Variants in LRRC4B observed in about 807,000 individuals in gnomAD.
LRRC4B encodes the protein leucine rich repeat containing 4B.
In LRRC4B, 1 loss-of-function variant was observed where a neutral mutation model predicts 7.3. The observed-to-expected ratio is 0.14, with a 90% confidence interval of 0.05 to 0.65. The LOEUF (loss-of-function observed/expected upper bound fraction) is 0.65, where lower values mean the gene tolerates loss of function less well. Ranked by LOEUF, LRRC4B falls within the 30% of genes least tolerant of loss-of-function variation. The pLI is 0.84. For missense variants in LRRC4B, 730 were observed against 1,041.6 expected (o/e 0.70, Z 4.12); for synonymous variants, 500 against 499.2 (o/e 1.00, Z -0.02).
chr19:50,539,382 A>G (rs1045563878), intron 2 of LRRC4B, among the ~76,000 whole-genome samples: 1 of 152,278 alleles, frequency 6.6e-6, no homozygotes, highest in East Asian at 1.9e-4. Flanking sequence ...TTCCACGTCC[A>G]TAAGATGGGA....
At chr19:50,545,538 C>T in intron 2 of LRRC4B, among the ~76,000 whole-genome samples, 1 of 150,976 alleles carries the variant, frequency 6.6e-6, no homozygotes. Flanking sequence ...CCATGATAGT[C>T]CCACTGCACT....
chr19:50,528,967 C>A (rs1341399762), intron 2 of LRRC4B, among the ~76,000 whole-genome samples: 3 of 152,130 alleles, frequency 2.0e-5, no homozygotes, highest in Non-Finnish European at 2.9e-5. Context: ...AGGCTGGGGG[C>A]TGTGGGCATC....
At position 50,548,945 on chromosome 19, in the gene LRRC4B, A is replaced by C; in HGVS notation, c.-35-72T>G. On this transcript the variant is annotated intron_variant, in intron 1 of 2. Coordinates refer to ENST00000652263, the MANE Select transcript of LRRC4B (RefSeq NM_001080457.2). The surrounding 1 kb of genome is among the most constrained non-coding windows in gnomAD (Gnocchi z 6.8). ...GCCCATGTGGCCTGGGTGCTTGCCA[A>C]CACCCAGGCAGCCCCATCGCCGCCT... is the stretch of plus-strand genomic sequence containing the variant. 1 of 807,988 alleles carries C rather than the reference A, an allele frequency of 1.2e-6. No individual in the cohort carries two copies. The highest frequency in any genetic ancestry group is 1.9e-6 in the Non-Finnish European group (1 of 530,168). 50.1% of individuals were successfully genotyped at this position (807,988 alleles called of 1,614,324 possible).
In LRRC4B at chr19:50,524,389, G is replaced by A. The variant is rs146380524; in HGVS notation, c.298-4974C>T. On this transcript the variant is annotated intron_variant, in intron 2 of 2. Transcript: ENST00000652263. Reference sequence around the variant, plus strand: ...GCCTCCTGAGTAGCTGGGACTACAGGCACGTGCCAGCACACCTGGCTAATT... The same window carrying A: ...GCCTCCTGAGTAGCTGGGACTACAGACACGTGCCAGCACACCTGGCTAATT... Among the ~76,000 whole-genome samples, 15 of 152,266 alleles carry A rather than the reference G, an allele frequency of 9.9e-5. No individual in the cohort carries two copies. In the East Asian group the frequency reaches 2.9e-3, roughly 29 times the overall value.
chr19:50,544,520 A>G (rs1261358856), intron 2 of LRRC4B, among the ~76,000 whole-genome samples: 1 of 151,336 alleles, frequency 6.6e-6, no homozygotes, highest in East Asian at 1.9e-4. Context: ...AAAAAAAAAT[A>G]AATAAAAATA....
intron 1 of LRRC4B, among the ~76,000 whole-genome samples, chr19:50,566,793 T>G (rs1982643546): frequency 6.4e-5 from 9 of 141,368 alleles, no homozygotes; most frequent in African/African-American, 1.9e-4. Context: ...TACTATGGGG[T>G]GAGGAGACAA....
rs907708775 is a variant in LRRC4B, at chr19:50,553,042, G to C, written c.-35-4169C>G. 1.3e-5 allele frequency among the ~76,000 whole-genome samples: 2 copies of C among 152,132 alleles called. No homozygotes were observed. Among genetic ancestry groups the C allele is most frequent in the African/African-American group, 4.8e-5 (2 of 41,418 alleles). Reference sequence around the variant, plus strand: ...GGATAATGGGAGTATCTGCCTCCTAGGGCCACTGTGGGGATTAAATCGCTA... The same window carrying C: ...GGATAATGGGAGTATCTGCCTCCTACGGCCACTGTGGGGATTAAATCGCTA... On this transcript the variant is annotated intron_variant, in intron 1 of 2. Coordinates refer to ENST00000652263, the MANE Select transcript of LRRC4B (RefSeq NM_001080457.2). The surrounding 1 kb of genome is among the most constrained non-coding windows in gnomAD (Gnocchi z 4.2).
At position 50,519,269 on chromosome 19, in the gene LRRC4B, C is replaced by T. The variant is rs200579280; in HGVS notation, c.444G>A (p.Thr148=). The T allele has an allele frequency of 2.5e-6, 4 of 1,614,076 alleles. No individual in the cohort carries two copies. In the South Asian group the frequency reaches 3.3e-5, roughly 13 times the overall value. ...GGTACTCGAAGGCCTGCGTGGGCAC[C>T]GTGGTCAGCCGGTTGTCAAAAAGCT... is the stretch of plus-strand genomic sequence containing the variant. ...TLELFDNRLT[T]VPTQAFEYLS... is the part of the protein sequence containing the mutation. The change falls in exon 3 of 3, where the codon ACG becomes ACA. Residue 148 remains threonine, a synonymous_variant. Transcript: ENST00000652263. The surrounding 1 kb of genome is among the most constrained non-coding windows in gnomAD (Gnocchi z 8.1).
rs1981908616 is a variant in LRRC4B at position 50,548,508 on chromosome 19, C to T, written c.297+34G>A. 1 of 1,564,802 alleles carries T rather than the reference C, an allele frequency of 6.4e-7. No individual in the cohort carries two copies. The highest frequency in any genetic ancestry group is 8.6e-7 in the Non-Finnish European group (1 of 1,162,702). On this transcript the variant is annotated intron_variant, in intron 2 of 2. Transcript: ENST00000652263. This position sits in a 1 kb window ranked among gnomAD's most constrained non-coding sequence, Gnocchi z 6.8. The stretch of plus-strand genomic sequence containing the variant: ...TCTGCATGCCTCCCCAGTGTCCCCT[C>T]CAAGGTCCCCCTCTGCCCGCTGGCC...
At chr19:50,542,319 C>A (rs2122869869) in intron 2 of LRRC4B, among the ~76,000 whole-genome samples, 1 of 152,260 alleles carries the variant, frequency 6.6e-6, no homozygotes, top group South Asian at 2.1e-4. Context: ...TGCACCCGGT[C>A]TTCTCCCAGG....
At chr19:50,561,216 G>A (rs1451994241) in intron 1 of LRRC4B, among the ~76,000 whole-genome samples, 1 of 152,102 alleles carries the variant, frequency 6.6e-6, no homozygotes, top group East Asian at 1.9e-4. Flanking sequence ...AGCATTTCTG[G>A]CTGGATCAAA....
chr19:50,563,752 C>T lies in LRRC4B; in HGVS notation c.-36+4192G>A, dbSNP rs564693084. The stretch of plus-strand genomic sequence containing the variant: ...GACAGGCTGCAACATGGTGCCTTCA[C>T]GCAACGCTGACTTTCCAACACTGTG... On this transcript the variant is annotated intron_variant, in intron 1 of 2. Transcript: ENST00000652263. The surrounding 1 kb of genome is among the most constrained non-coding windows in gnomAD (Gnocchi z 4.9). 1.1e-4 allele frequency among the ~76,000 whole-genome samples: 16 copies of T among 152,230 alleles called. No homozygotes were observed. Among genetic ancestry groups the T allele is most frequent in the Admixed American group, 2.0e-4 (3 of 15,280 alleles).
chr19:50,559,810 G>T (rs1321158055), intron 1 of LRRC4B, among the ~76,000 whole-genome samples: 1 of 152,244 alleles, frequency 6.6e-6, no homozygotes, highest in African/African-American at 2.4e-5. Context: ...AGACATGAAT[G>T]TGTGTCCAGC....
intron 1 of LRRC4B, among the ~76,000 whole-genome samples, chr19:50,554,899 A>G (rs1002544020): frequency 6.6e-6 from 1 of 152,168 alleles, no homozygotes; most frequent in African/African-American, 2.4e-5. Context: ...AAGACCCCCA[A>G]GTGTGGCCTG....
Position 50,520,240 on chromosome 19 carries a change from A to G in LRRC4B, c.298-825T>C, listed in dbSNP as rs1980511192. On this transcript the variant is annotated intron_variant, in intron 2 of 2. Coordinates refer to ENST00000652263, the MANE Select transcript of LRRC4B (RefSeq NM_001080457.2). ...AAAAAAAAAAAAAAAAAAAAAAAAA[A>G]AAAAAAAGAAGAAAAGAAAAGAAAA... Among the ~76,000 whole-genome samples the G allele has an allele frequency of 2.5e-4, 17 of 66,786 alleles. 1 individual carries two copies. The highest frequency in any genetic ancestry group is 8.2e-4 in the African/African-American group (12 of 14,550). 43.8% of individuals were successfully genotyped at this position (66,786 alleles called of 152,430 possible). A position where few individuals can be genotyped will look rare whatever the true frequency, so the allele number is the denominator to read the frequency against.
intron 1 of LRRC4B, among the ~76,000 whole-genome samples, chr19:50,552,052 C>T (rs1353074630): frequency 1.3e-5 from 2 of 151,984 alleles, no homozygotes; most frequent in East Asian, 1.9e-4. Context: ...TCGGGGGAAG[C>T]GGGGGAGGAA....
At chr19:50,552,390 G>A (rs188514440) in intron 1 of LRRC4B, among the ~76,000 whole-genome samples, 182 of 151,976 alleles carry the variant, frequency 1.2e-3, no homozygotes, top group Middle Eastern at 3.4e-3. Context: ...ACCCCGTCCC[G>A]TGGCTGAGGG....
In LRRC4B at chr19:50,548,893, G is replaced by C. The variant is rs1384452540; in HGVS notation, c.-35-20C>G. 3 of 1,183,210 alleles carry C rather than the reference G, an allele frequency of 2.5e-6. No homozygotes were observed. The highest frequency in any genetic ancestry group is 2.9e-5 in the Admixed American group (1 of 34,860). The allele number at this position is 1,183,210 out of a possible 1,614,324, so 73.3% of individuals were successfully genotyped here. A position where few individuals can be genotyped will look rare whatever the true frequency, so the allele number is the denominator to read the frequency against. ...GGGGGGCTGTGGGTGGGGGAGAGAA[G>C]GGGGAGAGGCTTGGTGAGGGACAGG... On this transcript the variant is annotated intron_variant, in intron 1 of 2. Coordinates refer to ENST00000652263, the MANE Select transcript of LRRC4B (RefSeq NM_001080457.2). This position sits in a 1 kb window ranked among gnomAD's most constrained non-coding sequence, Gnocchi z 6.8.
At chr19:50,564,520 T>C (rs901452522) in intron 1 of LRRC4B, among the ~76,000 whole-genome samples, 1 of 150,602 alleles carries the variant, frequency 6.6e-6, no homozygotes, top group Non-Finnish European at 1.5e-5. Context: ...TCACAGCAGA[T>C]GGGGTGGGAG....
Sources: allele counts gnomAD v4.1 joint callset (sites outside exome capture counted in the v4.1 genomes callset), GRCh38; gene constraint gnomAD v4.1.1; non-coding constraint Gnocchi (gnomAD v3.1); transcripts MANE v1.5; gene names NCBI Gene and HGNC (gene_info 2026-07-23, HGNC 2026-07-21).